Variants in ITPR2 observed in about 807,000 individuals in gnomAD.
The protein encoded by ITPR2 is inositol 1,4,5-trisphosphate-gated calcium channel ITPR2.
A neutral mutation model predicts 317.1 loss-of-function variants in ITPR2; 207 were observed. That is an observed-to-expected ratio of 0.65 (90% CI 0.58 to 0.73). ITPR2 has a LOEUF of 0.73. ITPR2 is among the 30% of genes least tolerant of loss of function. ITPR2 has a pLI of 0.00. For synonymous variants in ITPR2, 1,156 were observed against 1,149.1 expected (o/e 1.01, Z -0.12); for missense variants, 2,613 against 3,284.0 (o/e 0.80, Z 4.99).
chr12:26,547,193 A>G (rs1368406583), intron 37 of ITPR2, among the ~76,000 whole-genome samples: 1 of 152,202 alleles, frequency 6.6e-6, no homozygotes, highest in African/African-American at 2.4e-5. Flanking sequence ...AGAAACTCAA[A>G]CAACTCAACA....
intron 2 of ITPR2, among the ~76,000 whole-genome samples, chr12:26,750,079 G>C (rs1197298490): frequency 6.6e-6 from 1 of 152,206 alleles, no homozygotes; most frequent in Non-Finnish European, 1.5e-5. Context: ...ATGAGTGTGA[G>C]TGTAACCTTG....
intron 10 of ITPR2, among the ~76,000 whole-genome samples, chr12:26,693,502 T>C (rs1013641829): frequency 6.6e-6 from 1 of 152,198 alleles, no homozygotes; most frequent in Non-Finnish European, 1.5e-5. Flanking sequence ...TCATATAAAA[T>C]TGCATAGTAT....
At chr12:26,445,106 G>A (rs1941577035) in intron 45 of ITPR2, among the ~76,000 whole-genome samples, 1 of 152,116 alleles carries the variant, frequency 6.6e-6, no homozygotes, top group Non-Finnish European at 1.5e-5. Context: ...AGGCAAAACT[G>A]GCATGATTTG....
At chr12:26,462,709 T>A (rs1364845842) in intron 45 of ITPR2, among the ~76,000 whole-genome samples, 1 of 148,878 alleles carries the variant, frequency 6.7e-6, no homozygotes, top group African/African-American at 2.5e-5. Context: ...TTTTGCTCTG[T>A]CGCCCAGGCT....
chr12:26,740,687 CT>C (rs1949215618), intron 2 of ITPR2, among the ~76,000 whole-genome samples: 1 of 152,188 alleles, frequency 6.6e-6, no homozygotes, highest in East Asian at 1.9e-4. Flanking sequence ...AAGATTTTCA[CT>C]TTGTATGTTT....
At chr12:26,473,697 TATG>T (rs1323138467) in intron 45 of ITPR2, among the ~76,000 whole-genome samples, 1 of 152,208 alleles carries the variant, frequency 6.6e-6, no homozygotes, top group Non-Finnish European at 1.5e-5. Context: ...TAGTAGCCAA[TATG>T]ATTTTAATTC....
At chr12:26,611,188 T>C (rs1946257703) in intron 26 of ITPR2, among the ~76,000 whole-genome samples, 1 of 152,168 alleles carries the variant, frequency 6.6e-6, no homozygotes, top group Non-Finnish European at 1.5e-5. Flanking sequence ...ACGGGTCCTA[T>C]GAGAAGCCAA....
At position 26,557,398 on chromosome 12, in the gene ITPR2, C is replaced by T. The variant is rs893340582; in HGVS notation, c.4822-1023G>A. 3.3e-5 allele frequency among the ~76,000 whole-genome samples: 5 copies of T among 152,182 alleles called. No individual in the cohort carries two copies. In the East Asian group the frequency reaches 7.7e-4, roughly 23 times the overall value. ...AGCAGAGGCATGGTTATCCCATTTC[C>T]GCCTGTAGCAATCTGTCCAGGTATG... On this transcript the variant is annotated intron_variant, in intron 35 of 56. Transcript: ENST00000381340.
At chr12:26,518,670 A>T (rs1943590955) in intron 37 of ITPR2, among the ~76,000 whole-genome samples, 1 of 152,194 alleles carries the variant, frequency 6.6e-6, no homozygotes, top group South Asian at 2.1e-4. Flanking sequence ...CCAACTCATT[A>T]AATATAGAAG....
At chr12:26,339,819 C>A (rs979755573) in intron 56 of ITPR2, among the ~76,000 whole-genome samples, 15 of 152,126 alleles carry the variant, frequency 9.9e-5, no homozygotes, top group Admixed American at 5.9e-4. Flanking sequence ...TTCATTATAG[C>A]ATTGAAATGG....
chr12:26,371,054 T>C (rs1939174005), intron 55 of ITPR2, among the ~76,000 whole-genome samples: 1 of 152,216 alleles, frequency 6.6e-6, no homozygotes, highest in South Asian at 2.1e-4. Flanking sequence ...CCCAGTTTTG[T>C]TGTCTCCAGG....
Position 26,596,916 on chromosome 12 carries a change from C to A in ITPR2, c.4221G>T (p.Val1407=), listed in dbSNP as rs981331680. The A allele has an allele frequency of 5.1e-6, 8 of 1,580,480 alleles. No individual in the cohort carries two copies. The Admixed American group carries it at 1.2e-4, about 24-fold the overall frequency. ...CNSLLPLDDI[V]RVVTHDDCIP... Reference sequence around the variant, plus strand: ...TGCAGTCGTCATGGGTCACCACCCTCACTATGTCGTCCAGCGGGAGAAGGG... The same window carrying A: ...TGCAGTCGTCATGGGTCACCACCCTAACTATGTCGTCCAGCGGGAGAAGGG... The change falls in exon 31 of 57, where the codon GTG becomes GTT. Residue 1407 remains valine (V), a synonymous_variant. Coordinates refer to ENST00000381340, the MANE Select transcript of ITPR2 (RefSeq NM_002223.4).
At chr12:26,588,401 A>G (rs1945592577) in intron 32 of ITPR2, among the ~76,000 whole-genome samples, 1 of 152,216 alleles carries the variant, frequency 6.6e-6, no homozygotes, top group Non-Finnish European at 1.5e-5. Flanking sequence ...GAAGCCTTGT[A>G]TAAGTTATAG....
chr12:26,605,580 T>A (rs774885004), intron 26 of ITPR2, among the ~76,000 whole-genome samples: 1 of 152,212 alleles, frequency 6.6e-6, no homozygotes, highest in African/African-American at 2.4e-5. Context: ...GGTCGATATC[T>A]TTAAGCCTGT....
intron 55 of ITPR2, among the ~76,000 whole-genome samples, chr12:26,377,257 C>T (rs1048888225): frequency 2.6e-5 from 4 of 152,166 alleles, no homozygotes; most frequent in African/African-American, 7.2e-5. Flanking sequence ...CCACTGCTGC[C>T]GTGTGTTATC....
chr12:26,484,191 A>G (rs1167575406), intron 41 of ITPR2, among the ~76,000 whole-genome samples: 2 of 151,318 alleles, frequency 1.3e-5, no homozygotes, highest in East Asian at 3.9e-4. Flanking sequence ...ATATATCAAG[A>G]TAGTTCATAA....
intron 9 of ITPR2, among the ~76,000 whole-genome samples, chr12:26,698,907 G>C (rs563372866): frequency 4.0e-5 from 6 of 151,670 alleles, no homozygotes; most frequent in African/African-American, 1.5e-4. Flanking sequence ...ATTCTAGCAC[G>C]GTGTCCAGAA....
intron 2 of ITPR2, among the ~76,000 whole-genome samples, chr12:26,732,025 C>G (rs1284384440): frequency 6.6e-6 from 1 of 151,238 alleles, no homozygotes; most frequent in Admixed American, 6.6e-5. Flanking sequence ...ATCTATCCCC[C>G]CACCTGCCTT....
intron 1 of ITPR2, among the ~76,000 whole-genome samples, chr12:26,814,969 G>A (rs895510472): frequency 1.3e-5 from 2 of 152,114 alleles, no homozygotes; most frequent in African/African-American, 4.8e-5. Flanking sequence ...CTGTAAAATG[G>A]TTAATTATCC....
Sources: gnomAD v4.1 joint callset for allele counts (sites outside exome capture counted in the v4.1 genomes callset) on GRCh38, gnomAD v4.1.1 for gene constraint, MANE v1.5 for transcripts, NCBI Gene and HGNC (gene_info 2026-07-23, HGNC 2026-07-21) for gene names.